DNAAF4: variants seen among roughly 807,000 people sequenced by gnomAD.
DNAAF4 encodes dynein assembly factor 4, axonemal.
In DNAAF4, 43 loss-of-function variants were observed where a neutral mutation model predicts 51.8. That is an observed-to-expected ratio of 0.83 (90% CI 0.65 to 1.07). The LOEUF is 1.07. DNAAF4 is among the 50% of genes least tolerant of loss of function. The probability of loss-of-function intolerance (pLI) is 0.00; values close to 1 mark genes in which losing one functional copy is unlikely to be tolerated. For synonymous variants in DNAAF4, 194 were observed against 165.6 expected, an observed-to-expected ratio of 1.17 and a Z score of -1.32; for missense variants, 581 against 493.0, an observed-to-expected ratio of 1.18 and a Z score of -1.69.
intron 3 of DNAAF4, among the ~76,000 whole-genome samples, chr15:55,494,793 C>T (rs955244792): frequency 4.6e-5 from 7 of 152,122 alleles, no homozygotes; most frequent in African/African-American, 1.7e-4. Flanking sequence ...CGACCTGCCA[C>T]CTGTTTCCCC....
intron 4 of DNAAF4, among the ~76,000 whole-genome samples, chr15:55,477,883 T>C (rs1026895760): frequency 5.4e-5 from 8 of 148,046 alleles, no homozygotes; most frequent in African/African-American, 1.5e-4. Flanking sequence ...CTGGCCAACA[T>C]GGTGAAAACC....
At chr15:55,451,455 C>T (rs542722327) in intron 5 of DNAAF4, among the ~76,000 whole-genome samples, 2 of 152,170 alleles carry the variant, frequency 1.3e-5, no homozygotes, top group South Asian at 4.2e-4. Context: ...AGAACTCAGC[C>T]AACACTACCT....
chr15:55,497,981 G>T (rs2058663186), intron 2 of DNAAF4, 122 bp from the exon 3 acceptor site: 1 of 1,379,406 alleles, frequency 7.2e-7, no homozygotes, highest in Admixed American at 2.6e-5. Flanking sequence ...GCCAGGTAGT[G>T]AAAGATTAGC....
Position 55,481,197 on chromosome 15 carries a change from G to A in DNAAF4, c.405+9926C>T, listed in dbSNP as rs144281012. On this transcript the variant is annotated intron_variant, in intron 4 of 9. Transcript: ENST00000321149. ...AGCAGTGTGAGAATGGACTAATACA[G>A]GGACTGGATCTCCTAACTGCTGAAA... Among the ~76,000 whole-genome samples the A allele has an allele frequency of 2.1e-4, 32 of 152,262 alleles. No homozygotes were observed. In the East Asian group the frequency reaches 6.2e-3, roughly 29 times the overall value.
intron 4 of DNAAF4, 166 bp downstream of exon 4, chr15:55,490,956 GA>G (rs1036181161): frequency 8.4e-3 from 4,993 of 596,792 alleles, no homozygotes; most frequent in South Asian, 0.012. Context: ...TCGGTCTCAA[GA>G]AAAAAAAAAA....
intron 5 of DNAAF4, among the ~76,000 whole-genome samples, chr15:55,457,370 C>T (rs1224720545): frequency 6.6e-6 from 1 of 152,034 alleles, no homozygotes; most frequent in Non-Finnish European, 1.5e-5. Flanking sequence ...CCTGAGAATC[C>T]CCTCCACCCC....
intron 9 of DNAAF4, 147 bp downstream of exon 9, chr15:55,432,350 A>T (rs1333321759): frequency 7.7e-6 from 4 of 520,188 alleles, no homozygotes; most frequent in Non-Finnish European, 1.3e-5. Flanking sequence ...ATGTATTGTC[A>T]GATATACTGC....
chr15:55,428,291 C>G (rs2057450249), downstream of DNAAF4, among the ~76,000 whole-genome samples: 1 of 151,890 alleles, frequency 6.6e-6, no homozygotes, highest in Admixed American at 6.6e-5. Flanking sequence ...AATGTTAGTC[C>G]TACAAAGGCA....
chr15:55,428,308 T>A (rs2057450427), downstream of DNAAF4, among the ~76,000 whole-genome samples: 1 of 151,860 alleles, frequency 6.6e-6, no homozygotes, highest in African/African-American at 2.4e-5. Flanking sequence ...GGCAATTCCG[T>A]CCCCAGGCAA....
intron 4 of DNAAF4, among the ~76,000 whole-genome samples, chr15:55,481,195 C>CA (rs2058405079): frequency 6.6e-6 from 1 of 152,154 alleles, no homozygotes; most frequent in Admixed American, 6.6e-5. Context: ...TGGACTAATA[C>CA]AGGGACTGGA....
rs1289512899 is a variant in DNAAF4, at chr15:55,433,891, TA to T, written c.1047+1013del. On this transcript the variant is annotated intron_variant, in intron 8 of 9. Coordinates refer to ENST00000321149, the MANE Select transcript of DNAAF4 (RefSeq NM_130810.4). Reference sequence around the variant, plus strand: ...TTATATATATTACATATATTATATATATATTATATATATTATATATAATTAT... The same window carrying T: ...TTATATATATTACATATATTATATATTATTATATATATTATATATAATTAT... Among the ~76,000 whole-genome samples, 90 of 10,038 alleles carry T rather than the reference TA, an allele frequency of 9.0e-3. 1 individual carries two copies. The highest frequency in any genetic ancestry group is 0.024 in the African/African-American group (58 of 2,468). 6.6% of individuals were successfully genotyped at this position (10,038 alleles called of 152,430 possible). A position where few individuals can be genotyped will look rare whatever the true frequency, so the allele number is the denominator to read the frequency against.
At chr15:55,498,144 G>T in intron 2 of DNAAF4, 63 bp downstream of exon 2, 1 of 1,609,608 alleles carries the variant, frequency 6.2e-7, no homozygotes, top group Admixed American at 1.7e-5. Flanking sequence ...GTGCCCAGCT[G>T]CGCTCTTGCA....
intron 1 of DNAAF4, among the ~76,000 whole-genome samples, chr15:55,504,245 C>T (rs1299692480): frequency 6.6e-6 from 1 of 152,128 alleles, no homozygotes; most frequent in Non-Finnish European, 1.5e-5. Context: ...AGGAGAACTA[C>T]AAAACACTGC....
At chr15:55,449,551 C>T (rs910137270) in intron 6 of DNAAF4, among the ~76,000 whole-genome samples, 1 of 150,424 alleles carries the variant, frequency 6.6e-6, no homozygotes, top group African/African-American at 2.4e-5. Flanking sequence ...GTAATCCCAG[C>T]TACTAGGGAG....
At chr15:55,507,436 G>T (rs751987407) in intron 1 of DNAAF4, among the ~76,000 whole-genome samples, 143 of 152,088 alleles carry the variant, frequency 9.4e-4, no homozygotes, top group African/African-American at 2.8e-3. Context: ...AATATACCCT[G>T]TAATTTATTG....
At chr15:55,452,411 TA>T (rs368750711) in intron 5 of DNAAF4, among the ~76,000 whole-genome samples, 1 of 151,628 alleles carries the variant, frequency 6.6e-6, no homozygotes, top group African/African-American at 2.4e-5. Flanking sequence ...TGAGGATAAC[TA>T]AAAAAAACTA....
chr15:55,474,288 C>G (rs2058306358), intron 4 of DNAAF4, among the ~76,000 whole-genome samples: 1 of 152,204 alleles, frequency 6.6e-6, no homozygotes, highest in Admixed American at 6.5e-5. Flanking sequence ...ATAATCTCAA[C>G]ACTTTGGGAG....
At chr15:55,459,188 G>A (rs1030530593) in intron 5 of DNAAF4, among the ~76,000 whole-genome samples, 3 of 152,110 alleles carry the variant, frequency 2.0e-5, no homozygotes, top group East Asian at 3.9e-4. Flanking sequence ...CAGAAGGGAT[G>A]GGGGTCCTAT....
Position 55,473,293 on chromosome 15 carries a change from ATGTGTATATATATGTGTGTATATATG to A in DNAAF4, c.406-6158_406-6133del, listed in dbSNP as rs1282058050. On this transcript the variant is annotated intron_variant, in intron 4 of 9. Transcript: ENST00000321149. ...TATGTGTATATATATGTGTATATAT[ATGTGTATATATATGTGTGTATATATG>A]TGTGTATATATATGTGTGTATATAT... 8.1e-4 allele frequency among the ~76,000 whole-genome samples: 28 copies of A among 34,468 alleles called. 1 individual carries two copies. Among genetic ancestry groups the A allele is most frequent in the African/African-American group, 2.3e-3 (20 of 8,598 alleles). 22.6% of individuals were successfully genotyped at this position (34,468 alleles called of 152,430 possible). A position where few individuals can be genotyped will look rare whatever the true frequency, so the allele number is the denominator to read the frequency against.
Sources: gnomAD v4.1 joint callset for allele counts (sites outside exome capture counted in the v4.1 genomes callset) on GRCh38, gnomAD v4.1.1 for gene constraint, MANE v1.5 for transcripts, NCBI Gene and HGNC (gene_info 2026-07-23, HGNC 2026-07-21) for gene names.